The following NDE1 variants were observed in gnomAD, a reference collection of about 807,000 sequenced individuals.
The protein encoded by NDE1 is nudE neurodevelopment protein 1.
A neutral mutation model predicts 43.4 loss-of-function variants in NDE1; 28 were observed. The observed-to-expected ratio is 0.65, with a 90% CI of 0.48 to 0.89. The LOEUF (loss-of-function observed/expected upper bound fraction) is 0.89. Ranked by LOEUF, NDE1 falls within the 40% of genes least tolerant of loss-of-function variation. The pLI, the probability that NDE1 is intolerant of heterozygous loss-of-function variation, is 0.00. For missense variants in NDE1, 441 were observed against 434.1 expected (o/e 1.02, Z -0.14); for synonymous variants, 184 against 172.0 (o/e 1.07, Z -0.55).
intron 8 of NDE1, chr16:15,719,667 G>A (rs1345711998): frequency 6.2e-7 from 1 of 1,614,168 alleles, no homozygotes; most frequent in Admixed American, 1.7e-5. Flanking sequence ...CTCATCTCTG[G>A]AGGCACGGGC....
chr16:15,713,450 T>TG (rs2151187629), intron 8 of NDE1: 1 of 151,942 alleles, frequency 6.6e-6, no homozygotes, highest in East Asian at 1.9e-4. Context: ...GGGAGGGGTG[T>TG]GGGAGGACCC....
intron 3 of NDE1, among the ~76,000 whole-genome samples, chr16:15,668,402 C>T (rs1361115450): frequency 1.3e-5 from 2 of 152,166 alleles, no homozygotes; most frequent in African/African-American, 2.4e-5. Flanking sequence ...GTAGCTGAGA[C>T]TACAGGCATG....
intron 4 of NDE1, among the ~76,000 whole-genome samples, chr16:15,681,477 C>T (rs1468681332): frequency 6.6e-6 from 1 of 151,690 alleles, no homozygotes; most frequent in East Asian, 1.9e-4. Context: ...GTTGCCTAGG[C>T]TGGTCTCAAA....
rs1310737252 is a variant in NDE1 at position 15,720,739 on chromosome 16, AAAT to A, written c.948-3449_948-3447del. On this transcript the variant is annotated intron_variant, in intron 8 of 8. Coordinates refer to ENST00000396354, the MANE Select transcript of NDE1 (RefSeq NM_017668.3). Reference sequence around the variant, plus strand: ...CAGAGCGAGACTCTGTTTCAAAAAAAAATAAAGAAAACGAAGTTTCCACACCAA... The same window carrying A: ...CAGAGCGAGACTCTGTTTCAAAAAAAAAAGAAAACGAAGTTTCCACACCAA... The A allele has an allele frequency of 2.5e-5, 34 of 1,342,828 alleles. No individual in the cohort carries two copies. In the Admixed American group the frequency reaches 4.7e-4, roughly 19 times the overall value. The allele number at this position is 1,342,828 out of a possible 1,614,324, so 83.2% of individuals were successfully genotyped here. A position where few individuals can be genotyped will look rare whatever the true frequency, so the allele number is the denominator to read the frequency against.
intron 8 of NDE1, among the ~76,000 whole-genome samples, chr16:15,705,089 T>C (rs1392921544): frequency 6.6e-6 from 1 of 152,194 alleles, no homozygotes; most frequent in African/African-American, 2.4e-5. Flanking sequence ...CAGCAGTCCT[T>C]GAGCCTCAGT....
chr16:15,722,375 A>C (rs1187648897), intron 8 of NDE1, among the ~76,000 whole-genome samples: 1 of 152,220 alleles, frequency 6.6e-6, no homozygotes, highest in Non-Finnish European at 1.5e-5. Context: ...GAAGCAACTC[A>C]GAGAACATTC....
At chr16:15,686,596 T>C (rs2038450224) in intron 4 of NDE1, 1 of 965,468 alleles carries the variant, frequency 1.0e-6, no homozygotes, top group Non-Finnish European at 1.2e-6. Context: ...GAGGATCTCT[T>C]GAGCCCAAGA....
intron 5 of NDE1, 25 bp downstream of exon 5, chr16:15,687,536 C>A: frequency 6.3e-7 from 1 of 1,593,382 alleles, no homozygotes; most frequent in Middle Eastern, 1.7e-4. Context: ...GTGTCTTCAC[C>A]AGCATGGTCC....
intron 8 of NDE1, chr16:15,721,030 T>C: frequency 6.2e-7 from 1 of 1,614,018 alleles, no homozygotes; most frequent in Non-Finnish European, 8.5e-7. Flanking sequence ...AGGGCCCGCT[T>C]GGACTTCTCC....
At chr16:15,693,914 C>G (rs548418974) in intron 6 of NDE1, among the ~76,000 whole-genome samples, 1 of 152,068 alleles carries the variant, frequency 6.6e-6, no homozygotes, top group Non-Finnish European at 1.5e-5. Context: ...CACTCCAGTC[C>G]GGGTGACAGA....
At chr16:15,693,440 C>T (rs1245541837) in intron 6 of NDE1, among the ~76,000 whole-genome samples, 1 of 152,112 alleles carries the variant, frequency 6.6e-6, no homozygotes, top group Non-Finnish European at 1.5e-5. Context: ...ATCACAGATG[C>T]CATTATGTTA....
At chr16:15,691,049 C>G (rs933080141) in intron 5 of NDE1, 95 bp from the exon 6 acceptor site, 3 of 1,482,292 alleles carry the variant, frequency 2.0e-6, no homozygotes, top group Non-Finnish European at 2.8e-6. Context: ...CTCAGGCGAT[C>G]CACCTGCCTT....
Position 15,667,554 on chromosome 16 carries a change from C to G in NDE1, c.237+115C>G, listed in dbSNP as rs1419438258. 2.3e-6 allele frequency: 3 copies of G among 1,308,940 alleles called. No homozygotes were observed. The East Asian group carries it at 7.4e-5, about 32-fold the overall frequency. The allele number at this position is 1,308,940 out of a possible 1,614,324, so 81.1% of individuals were successfully genotyped here. ...AGGGACTCCAGACCCCAGGCCCATG[C>G]TCATCTCTGGAAGGGCCTGTGCGGC... On this transcript the variant is annotated intron_variant, in intron 3 of 8. Coordinates refer to ENST00000396354, the MANE Select transcript of NDE1 (RefSeq NM_017668.3).
At chr16:15,691,449 G>A (rs1323584732) in intron 6 of NDE1, 126 bp downstream of exon 6, 10 of 1,109,304 alleles carry the variant, frequency 9.0e-6, no homozygotes, top group Non-Finnish European at 1.3e-5. Flanking sequence ...CTCAGGCTTT[G>A]AGCAGAGAGT....
intron 4 of NDE1, chr16:15,684,703 A>C (rs542000357): frequency 1.3e-5 from 2 of 152,254 alleles, no homozygotes; most frequent in Admixed American, 6.6e-5. Flanking sequence ...GTACAGTATG[A>C]GGTACGAATC....
chr16:15,723,338 G>T (rs8047068), intron 8 of NDE1, among the ~76,000 whole-genome samples: 6 of 152,082 alleles, frequency 3.9e-5, no homozygotes, highest in Non-Finnish European at 7.4e-5. Context: ...ATGATAGATA[G>T]AATTAGTCTT....
At chr16:15,717,443 C>CTCGTGCA in intron 8 of NDE1, 1 of 1,325,438 alleles carries the variant, frequency 7.5e-7, no homozygotes, top group Non-Finnish European at 1.1e-6. Flanking sequence ...GGCCTCTGCA[C>CTCGTGCA]GAGTCCCTTG....
At chr16:15,653,456 T>G (rs575751426) in intron 1 of NDE1, among the ~76,000 whole-genome samples, 11 of 152,254 alleles carry the variant, frequency 7.2e-5, no homozygotes, top group East Asian at 1.9e-4. Flanking sequence ...TTTGGCAGCT[T>G]CTTTCTCTTC....
chr16:15,718,172 T>G, intron 8 of NDE1: 1 of 1,332,798 alleles, frequency 7.5e-7, no homozygotes. Flanking sequence ...GCCCTGGATC[T>G]CTACTCTCAG....
Sources: gnomAD v4.1 joint callset for allele counts (sites outside exome capture counted in the v4.1 genomes callset) on GRCh38, gnomAD v4.1.1 for gene constraint, MANE v1.5 for transcripts, NCBI Gene and HGNC (gene_info 2026-07-23, HGNC 2026-07-21) for gene names.